CEP43: variants seen among roughly 807,000 people sequenced by gnomAD.
CEP43 encodes FGFR1 oncogene partner.
Under a neutral mutation model 52.6 loss-of-function variants are expected in CEP43, and 36 were observed. The observed-to-expected ratio is 0.68, with a 90% CI of 0.52 to 0.90. The LOEUF (loss-of-function observed/expected upper bound fraction) is 0.90, where lower values mean the gene tolerates loss of function less well. Among genes scored for constraint, CEP43 ranks in the 40% least tolerant of loss-of-function variants. The probability of loss-of-function intolerance (pLI) is 0.00; values close to 1 mark genes in which losing one functional copy is unlikely to be tolerated. For synonymous variants in CEP43, 192 were observed against 172.4 expected (o/e 1.11, Z -0.89); for missense variants, 506 against 472.8 (o/e 1.07, Z -0.65).
Position 167,041,690 on chromosome 6 carries a change from A to C in CEP43, c.*1712A>C, listed in dbSNP as rs563074792. 1 of 1,041,964 alleles carries C rather than the reference A, an allele frequency of 9.6e-7. No homozygotes were observed. The highest frequency in any genetic ancestry group is 1.2e-6 in the Non-Finnish European group (1 of 864,534). 64.5% of individuals were successfully genotyped at this position (1,041,964 alleles called of 1,614,324 possible). The stretch of plus-strand genomic sequence containing the variant: ...CAGGATGTGGCTTTTTAAATTTATG[A>C]AACTTTCGAACAGTAGCAACTGAAA... On this transcript the variant is annotated 3_prime_UTR_variant, in exon 13 of 13. Coordinates refer to ENST00000366847, the MANE Select transcript of CEP43 (RefSeq NM_007045.4).
chr6:167,004,187 C>G (rs541491815), intron 4 of CEP43, 77 bp from the exon 5 acceptor site: 17 of 1,434,658 alleles, frequency 1.2e-5, no homozygotes, highest in Non-Finnish European at 1.3e-5. Context: ...TCTTTAAACT[C>G]TGAAAATATC....
chr6:167,022,771 T>C, intron 8 of CEP43, 136 bp downstream of exon 8: 1 of 652,448 alleles, frequency 1.5e-6, no homozygotes, highest in Non-Finnish European at 2.6e-6. Flanking sequence ...GCGTTGTTAA[T>C]GCCTTTCATG....
At position 167,024,885 on chromosome 6, in the gene CEP43, G is replaced by T; in HGVS notation, c.910G>T (p.Asp304Tyr). 6.3e-7 allele frequency: 1 copy of T among 1,586,758 alleles called. No homozygotes were observed. ...SSLAGAPSLKDSESKRGNTVL... is the reference protein window; with the variant it reads ...SSLAGAPSLKYSESKRGNTVL... ...CCTGGCGGGAGCCCCTTCTTTAAAA[G>T]ACTCTGAGAGTAAGTGCCCAAAGAT... The change falls in exon 9 of 13, where the codon GAC becomes TAC. Residue 304 changes from aspartate (D) to tyrosine (Y), a missense_variant. Transcript: ENST00000366847.
chr6:167,019,043 C>T (rs908544324), intron 7 of CEP43, among the ~76,000 whole-genome samples: 24 of 152,212 alleles, frequency 1.6e-4, no homozygotes, highest in Admixed American at 6.5e-4. Flanking sequence ...CAGGCAGTGA[C>T]GTTGAGCCAC....
At chr6:167,004,775 G>A (rs1184192611) in intron 5 of CEP43, among the ~76,000 whole-genome samples, 1 of 152,126 alleles carries the variant, frequency 6.6e-6, no homozygotes, top group African/African-American at 2.4e-5. Flanking sequence ...GCCAACAGAA[G>A]CACTCAACTT....
At chr6:167,032,720 T>A (rs938962498) in intron 11 of CEP43, 78 bp downstream of exon 11, 1 of 1,278,138 alleles carries the variant, frequency 7.8e-7, no homozygotes, top group Non-Finnish European at 1.1e-6. Flanking sequence ...AAGACAAAAT[T>A]ACATTTGGTG....
Position 167,016,972 on chromosome 6 carries a change from T to TTTA in CEP43, c.579+3408_579+3410dup, listed in dbSNP as rs200151275. On this transcript the variant is annotated intron_variant, in intron 7 of 12. Coordinates refer to ENST00000366847, the MANE Select transcript of CEP43 (RefSeq NM_007045.4). ...GGTTATAAAAAATAATAATACAAAT[T>TTTA]TTATTTATTATTTATTTATTTTTTT... is the stretch of plus-strand genomic sequence containing the variant. Among the ~76,000 whole-genome samples, 44 of 151,028 alleles carry TTTA rather than the reference T, an allele frequency of 2.9e-4. No individual in the cohort carries two copies. In the East Asian group the frequency reaches 8.1e-3, roughly 28 times the overall value.
intron 8 of CEP43, 89 bp from the exon 9 acceptor site, chr6:167,024,693 C>CT (rs930385377): frequency 1.2e-6 from 1 of 864,122 alleles, no homozygotes; most frequent in African/African-American, 1.7e-5. Flanking sequence ...TATAAAATAT[C>CT]TTTAAGTTGC....
chr6:167,000,044 T>C lies in CEP43; in HGVS notation c.103-16T>C, dbSNP rs1403215576. The C allele has an allele frequency of 3.7e-6, 6 of 1,601,698 alleles. No individual in the cohort carries two copies. The highest frequency in any genetic ancestry group is 5.1e-6 in the Non-Finnish European group (6 of 1,170,872). On this transcript the variant is annotated splice_polypyrimidine_tract_variant and intron_variant, in intron 1 of 12. Transcript: ENST00000366847. ...TCTTGAAATTATAATTTCCTGTTTC[T>C]TAACTTTTTTTTAAGGCTGAACTCC...
Position 167,000,051 on chromosome 6 carries a change from T to C in CEP43, c.103-9T>C, listed in dbSNP as rs12212247. On this transcript the variant is annotated splice_polypyrimidine_tract_variant and intron_variant, in intron 1 of 12. Coordinates refer to ENST00000366847, the MANE Select transcript of CEP43 (RefSeq NM_007045.4). Reference sequence around the variant, plus strand: ...ATTATAATTTCCTGTTTCTTAACTTTTTTTTAAGGCTGAACTCCGAGCAGC... The same window carrying C: ...ATTATAATTTCCTGTTTCTTAACTTCTTTTTAAGGCTGAACTCCGAGCAGC... 671,910 of 1,601,016 alleles carry C rather than the reference T, an allele frequency of 0.42. 147,506 individuals carry two copies. Among genetic ancestry groups the C allele is most frequent in the Non-Finnish European group, 0.46 (535,106 of 1,169,254 alleles).
At chr6:167,021,012 T>A (rs1040537251) in intron 7 of CEP43, among the ~76,000 whole-genome samples, 1 of 150,938 alleles carries the variant, frequency 6.6e-6, no homozygotes, top group Admixed American at 6.6e-5. Context: ...GAGGACTGCT[T>A]GAGCCCAGGA....
chr6:167,009,499 CAAAAAAAAAAAA>C (rs139374939), intron 5 of CEP43, among the ~76,000 whole-genome samples: 10 of 44,126 alleles, frequency 2.3e-4, no homozygotes, highest in East Asian at 7.2e-4. Flanking sequence ...GACTCTGTCT[CAAAAAAAAAAAA>C]AAAAAAAAAA....
chr6:167,014,328 C>G (rs558489029), intron 7 of CEP43, among the ~76,000 whole-genome samples: 1 of 152,320 alleles, frequency 6.6e-6, no homozygotes, highest in South Asian at 2.1e-4. Flanking sequence ...TGCCCCTGCT[C>G]ACAGTAGACT....
chr6:167,001,851 C>A (rs190568262), intron 2 of CEP43, among the ~76,000 whole-genome samples: 40 of 152,200 alleles, frequency 2.6e-4, no homozygotes, highest in Non-Finnish European at 4.1e-4. Flanking sequence ...GTGTCCCTCA[C>A]CATCTCCCTG....
chr6:167,016,444 G>A (rs1780101599), intron 7 of CEP43, among the ~76,000 whole-genome samples: 1 of 152,156 alleles, frequency 6.6e-6, no homozygotes, highest in Admixed American at 6.5e-5. Flanking sequence ...TTTTCATGTA[G>A]AGGCAGGGGT....
At chr6:167,018,330 A>G (rs570380906) in intron 7 of CEP43, among the ~76,000 whole-genome samples, 2 of 152,112 alleles carry the variant, frequency 1.3e-5, no homozygotes, top group Non-Finnish European at 1.5e-5. Flanking sequence ...ATACAGTTTG[A>G]CCCATAACTT....
chr6:166,999,633 A>T (rs1236239939), intron 1 of CEP43, 119 bp downstream of exon 1: 3 of 676,698 alleles, frequency 4.4e-6, no homozygotes, highest in Non-Finnish European at 4.4e-6. Flanking sequence ...GCCGGCGGGC[A>T]CTGGGGGCGC....
intron 7 of CEP43, among the ~76,000 whole-genome samples, chr6:167,019,319 C>T (rs954569948): frequency 8.0e-5 from 12 of 150,812 alleles, no homozygotes; most frequent in Admixed American, 2.0e-4. Context: ...GCTGTGCACA[C>T]GGGTACACCT....
chr6:166,999,712 A>T, intron 1 of CEP43, 198 bp downstream of exon 1: 1 of 485,386 alleles, frequency 2.1e-6, no homozygotes, highest in Non-Finnish European at 3.6e-6. Flanking sequence ...GTGGTCCCGG[A>T]GGGCACCGCG....
Sources: gnomAD v4.1 joint callset for allele counts (sites outside exome capture counted in the v4.1 genomes callset) on GRCh38, gnomAD v4.1.1 for gene constraint, MANE v1.5 for transcripts, NCBI Gene and HGNC (gene_info 2026-07-23, HGNC 2026-07-21) for gene names.